The following TAF2 variants were observed in gnomAD, a reference collection of about 807,000 sequenced individuals.
TAF2 encodes the protein transcription initiation factor TFIID subunit 2.
TAF2 carries 61 observed loss-of-function variants against 138.5 expected under a neutral mutation model. The ratio of observed to expected loss-of-function variants is 0.44; its 90% CI spans 0.36 to 0.54. TAF2 has a LOEUF of 0.54. TAF2 is among the 20% of genes least tolerant of loss of function. The probability of loss-of-function intolerance (pLI) is 0.00; values close to 1 mark genes in which losing one functional copy is unlikely to be tolerated. For missense variants in TAF2, 1,090 were observed against 1,427.9 expected (o/e 0.76, Z 3.81); for synonymous variants, 475 against 469.9 (o/e 1.01, Z -0.14).
At chr8:119,764,807 T>C (rs1197157693) in intron 18 of TAF2, among the ~76,000 whole-genome samples, 4 of 152,260 alleles carry the variant, frequency 2.6e-5, no homozygotes, top group South Asian at 2.1e-4. Context: ...TTGAATATAA[T>C]GTGATTTGCC....
chr8:119,790,345 T>C (rs937062067), intron 11 of TAF2, among the ~76,000 whole-genome samples: 3 of 151,882 alleles, frequency 2.0e-5, no homozygotes, highest in Non-Finnish European at 4.4e-5. Context: ...CTGAGATAGA[T>C]GAGAGGATCC....
At chr8:119,739,885 GA>G (rs1316669836) in intron 25 of TAF2, among the ~76,000 whole-genome samples, 1 of 151,762 alleles carries the variant, frequency 6.6e-6, no homozygotes, top group Non-Finnish European at 1.5e-5. Context: ...AGAGTAAAAG[GA>G]AATCCATATT....
rs1250848538 is a variant in TAF2 at position 119,783,607 on chromosome 8, C to T, written c.1886G>A (p.Arg629Lys). The T allele has an allele frequency of 1.2e-6, 2 of 1,614,102 alleles. No individual in the cohort carries two copies. The highest frequency in any genetic ancestry group is 1.1e-5 in the South Asian group (1 of 91,074). Residue 629 changes from arginine to lysine, a missense_variant, in exon 16 of 26, where the codon AGG (arginine) becomes AAG (lysine). Arg to Lys is a conservative substitution (Grantham distance 26). Around this residue, in one of 3 missense-constraint regions of TAF2, gnomAD observed 580 missense variants for 719.6 expected, o/e 0.81. Transcript: ENST00000378164. ...CAATACTGACATATCTGGGTCTATCCTTATCCACAGCAAAGGGGAATCAGC... is the reference window on the plus strand; with the variant it reads ...CAATACTGACATATCTGGGTCTATCTTTATCCACAGCAAAGGGGAATCAGC... ...MDADSPLLWI[R>K]IDPDMSVLRK... is the part of the protein sequence containing the mutation.
intron 10 of TAF2, 48 bp from the exon 11 acceptor site, chr8:119,791,507 A>C: frequency 6.4e-7 from 1 of 1,573,664 alleles, no homozygotes; most frequent in Non-Finnish European, 8.6e-7. Flanking sequence ...GTGACTATTA[A>C]ATAAAAAATA....
chr8:119,731,987 C>A lies in TAF2; in HGVS notation c.3537G>T (p.Glu1179Asp), dbSNP rs771223878. 1.2e-6 allele frequency: 2 copies of A among 1,614,062 alleles called. No individual in the cohort carries two copies. Among genetic ancestry groups the A allele is most frequent in the Admixed American group, 3.3e-5 (2 of 60,004 alleles). The change falls in exon 26 of 26, where the codon GAG becomes GAT. Residue 1179 changes from glutamate (E) to aspartate (D), a missense_variant. Around this residue, in one of 3 missense-constraint regions of TAF2, gnomAD observed 580 missense variants for 719.6 expected, o/e 0.81. Transcript: ENST00000378164. ...TGGCAGGGCTGGAGAAAGTGAAAGG[C>A]TCCTTGTCCTTTTCTTTACTGTCAT... is the stretch of plus-strand genomic sequence containing the variant. ...HKHDSKEKDK[E>D]PFTFSSPASG... is the part of the protein sequence containing the mutation.
chr8:119,828,010 T>G (rs552413282), intron 2 of TAF2, among the ~76,000 whole-genome samples: 2 of 152,254 alleles, frequency 1.3e-5, no homozygotes, highest in Admixed American at 1.3e-4. Flanking sequence ...CCCAAAGTGC[T>G]GGGATTACAA....
intron 18 of TAF2, among the ~76,000 whole-genome samples, chr8:119,777,354 T>A (rs922448391): frequency 1.3e-5 from 2 of 152,156 alleles, no homozygotes; most frequent in African/African-American, 2.4e-5. Flanking sequence ...GATTTCCCTA[T>A]CAGGTTGTGT....
intron 20 of TAF2, among the ~76,000 whole-genome samples, chr8:119,759,392 C>T (rs556840071): frequency 6.6e-6 from 1 of 152,064 alleles, no homozygotes; most frequent in Non-Finnish European, 1.5e-5. Flanking sequence ...CTTTCCCCTA[C>T]TTAAAAATGA....
At chr8:119,818,079 A>T (rs2131252616) in intron 3 of TAF2, among the ~76,000 whole-genome samples, 1 of 152,362 alleles carries the variant, frequency 6.6e-6, no homozygotes, top group East Asian at 1.9e-4. Flanking sequence ...AAGATTTTAA[A>T]CCAATGATTA....
chr8:119,774,090 G>A (rs990771320), intron 18 of TAF2, among the ~76,000 whole-genome samples: 1 of 151,604 alleles, frequency 6.6e-6, no homozygotes, highest in African/African-American at 2.4e-5. Context: ...AGAATGGCGT[G>A]AACCTGGCAG....
At chr8:119,805,408 T>A (rs973121292) in intron 4 of TAF2, among the ~76,000 whole-genome samples, 15 of 152,170 alleles carry the variant, frequency 9.9e-5, no homozygotes, top group East Asian at 1.9e-4. Context: ...TATGATTTTT[T>A]AAAAATATTT....
Sources: allele counts gnomAD v4.1 joint callset (sites outside exome capture counted in the v4.1 genomes callset), GRCh38; gene constraint gnomAD v4.1.1; regional missense constraint gnomAD v4.1.1; transcripts MANE v1.5; gene names NCBI Gene and HGNC (gene_info 2026-07-23, HGNC 2026-07-21).